The following DMD variants were observed in gnomAD, a reference collection of about 807,000 sequenced individuals.
The protein encoded by DMD is mutant dystrophin.
DMD carries 63 observed loss-of-function variants against 330.1 expected under a neutral mutation model. The ratio of observed to expected loss-of-function variants is 0.19; its 90% CI spans 0.16 to 0.24. The LOEUF is 0.24. Ranked by LOEUF, DMD falls within the 10% of genes least tolerant of loss-of-function variation. The pLI, the probability that DMD is intolerant of heterozygous loss-of-function variation, is 1.00. For synonymous variants in DMD, 1,223 were observed against 959.8 expected (o/e 1.27, Z -5.07); for missense variants, 3,344 against 2,684.1 (o/e 1.25, Z -5.43).
At chrX:32,504,256 G>T (rs773390479) in intron 18 of DMD, among the ~76,000 whole-genome samples, 1 of 111,754 alleles carries the variant, frequency 8.9e-6, no homozygotes, top group African/African-American at 3.3e-5. Flanking sequence ...ACTTTTGATG[G>T]TGAAATATCT....
chrX:32,124,315 C>T (rs751602994), intron 44 of DMD, among the ~76,000 whole-genome samples: 2 of 112,321 alleles, frequency 1.8e-5, no homozygotes, highest in South Asian at 3.7e-4. Context: ...TAAGAAATGA[C>T]GGAACCATGA....
At chrX:32,445,022 GGTA>G (rs763891233) in intron 27 of DMD, among the ~76,000 whole-genome samples, 1 of 111,267 alleles carries the variant, frequency 9.0e-6, no homozygotes, top group African/African-American at 3.2e-5. Flanking sequence ...GTTGAGATAT[GGTA>G]GGTAAATTAG....
At chrX:32,726,625 T>C (rs2066913985) in intron 7 of DMD, among the ~76,000 whole-genome samples, 1 of 111,257 alleles carries the variant, frequency 9.0e-6, no homozygotes, top group African/African-American at 3.3e-5. Context: ...AGATCACCTT[T>C]AAGTCTGAAA....
At chrX:32,035,318 T>C (rs2095934068) in intron 44 of DMD, among the ~76,000 whole-genome samples, 1 of 111,733 alleles carries the variant, frequency 8.9e-6, no homozygotes, top group Non-Finnish European at 1.9e-5. Flanking sequence ...ACTGATGATA[T>C]AAAAATCACT....
At chrX:33,175,508 T>A (rs184191493) in intron 1 of DMD, among the ~76,000 whole-genome samples, 2 of 112,497 alleles carry the variant, frequency 1.8e-5, no homozygotes, top group Admixed American at 1.9e-4. Flanking sequence ...AAGGAATAAT[T>A]TATTGAGTAC....
chrX:32,665,043 T>TAATTTAGGTAG (rs2061216005), intron 9 of DMD, among the ~76,000 whole-genome samples: 1 of 112,049 alleles, frequency 8.9e-6, no homozygotes, highest in Non-Finnish European at 1.9e-5. Flanking sequence ...CCTCCTACAT[T>TAATTTAGGTAG]TACTTAAGTT....
intron 45 of DMD, among the ~76,000 whole-genome samples, chrX:31,962,746 C>T (rs951881552): frequency 2.6e-4 from 29 of 111,568 alleles, no homozygotes; most frequent in African/African-American, 9.1e-4. Context: ...AGGATTCAGC[C>T]TGTGGGTACT....
intron 55 of DMD, among the ~76,000 whole-genome samples, chrX:31,596,844 G>A (rs1355845748): frequency 8.9e-6 from 1 of 111,903 alleles, no homozygotes; most frequent in African/African-American, 3.2e-5. Flanking sequence ...CAAAGTGTGC[G>A]CCAGAGACTG....
chrX:31,203,191 A>T (rs747459007), intron 67 of DMD, among the ~76,000 whole-genome samples: 20 of 107,614 alleles, frequency 1.9e-4, no homozygotes, highest in African/African-American at 6.1e-4. Context: ...CTGAGGTAGC[A>T]GAATCACTTG....
At chrX:31,811,390 C>T in intron 50 of DMD, among the ~76,000 whole-genome samples, 1 of 111,908 alleles carries the variant, frequency 8.9e-6, no homozygotes. Context: ...AGTGCTGGGG[C>T]CTCACCAGCC....
intron 9 of DMD, among the ~76,000 whole-genome samples, chrX:32,685,502 C>A (rs1261241787): frequency 9.0e-6 from 1 of 111,556 alleles, no homozygotes; most frequent in Non-Finnish European, 1.9e-5. Flanking sequence ...ATAAAATGTA[C>A]TAAGATTTTA....
chrX:33,149,587 GT>G (rs2048183735), intron 1 of DMD, among the ~76,000 whole-genome samples: 1 of 111,426 alleles, frequency 9.0e-6, no homozygotes, highest in African/African-American at 3.3e-5. Context: ...TATATTTTCC[GT>G]CTTTTGTATC....
chrX:32,468,713 A>C lies in DMD; in HGVS notation c.2950-3T>G, dbSNP rs1289371830. The C allele has an allele frequency of 8.3e-7, 1 of 1,199,715 alleles. No homozygotes were observed. Among genetic ancestry groups the C allele is most frequent in the East Asian group, 3.0e-5 (1 of 33,670 alleles). On this transcript the variant is annotated splice_polypyrimidine_tract_variant and splice_region_variant and intron_variant, in intron 22 of 78. Coordinates refer to ENST00000357033, the MANE Select transcript of DMD (RefSeq NM_004006.3). ...TCTTGCAGAGAACTTTGTAAAGCCT[A>C]AAAAACAATTTTTTAAATACATTTA...
In DMD at chrX:31,715,421, T is replaced by C. The variant is rs767258707; in HGVS notation, c.7660+14210A>G. 5.8e-5 allele frequency among the ~76,000 whole-genome samples: 6 copies of C among 103,676 alleles called. No homozygotes were observed. The South Asian group carries it at 1.8e-3, about 32-fold the overall frequency. 90.0% of individuals were successfully genotyped at this position (103,676 alleles called of 115,157 possible). On this transcript the variant is annotated intron_variant, in intron 52 of 78. Transcript: ENST00000357033. The stretch of plus-strand genomic sequence containing the variant: ...AGCCGGGCATGGTGGCGCGCGCCTG[T>C]AGTCCCAGCTACACGGGAGGCTGAG...
At chrX:32,457,268 T>C (rs1018811021) in intron 25 of DMD, among the ~76,000 whole-genome samples, 2 of 110,431 alleles carry the variant, frequency 1.8e-5, no homozygotes, top group Non-Finnish European at 3.8e-5. Flanking sequence ...AATAGAATAG[T>C]GAGGATAACA....
chrX:33,008,401 C>G (rs1348077013), intron 2 of DMD, among the ~76,000 whole-genome samples: 1 of 110,498 alleles, frequency 9.0e-6, no homozygotes, highest in African/African-American at 3.3e-5. Flanking sequence ...TTCTAGGAAT[C>G]CATAGGAATC....
chrX:31,132,979 T>G (rs963855332), intron 77 of DMD, among the ~76,000 whole-genome samples: 4 of 111,902 alleles, frequency 3.6e-5, no homozygotes, highest in African/African-American at 1.3e-4. Context: ...TAAAATTAGC[T>G]TCCCCTGACG....
At chrX:31,774,252 C>A in intron 50 of DMD, 60 bp from the exon 51 acceptor site, 1 of 856,366 alleles carries the variant, frequency 1.2e-6, no homozygotes, top group Admixed American at 2.6e-5. Flanking sequence ...ATTAGAAACA[C>A]AAGCTAAAGA....
chrX:32,500,880 A>G (rs1484098994), intron 19 of DMD, among the ~76,000 whole-genome samples: 5 of 112,070 alleles, frequency 4.5e-5, no homozygotes, highest in Non-Finnish European at 7.5e-5. Flanking sequence ...TAACTTATAC[A>G]CAGAATTTAT....
Sources: gnomAD v4.1 joint callset for allele counts (sites outside exome capture counted in the v4.1 genomes callset) on GRCh38, gnomAD v4.1.1 for gene constraint, MANE v1.5 for transcripts, NCBI Gene and HGNC (gene_info 2026-07-23, HGNC 2026-07-21) for gene names.